Variants in ST6GALNAC5 observed in about 807,000 individuals in gnomAD.
ST6GALNAC5 encodes the protein alpha-N-acetylgalactosaminide alpha-2,6-sialyltransferase 5.
A neutral mutation model predicts 33.6 loss-of-function variants in ST6GALNAC5; 27 were observed. That is an observed-to-expected ratio of 0.80 (90% CI 0.59 to 1.11). The LOEUF (loss-of-function observed/expected upper bound fraction) is 1.11. Ranked by LOEUF, ST6GALNAC5 falls within the 50% of genes least tolerant of loss-of-function variation. ST6GALNAC5 has a pLI of 0.00. For missense variants in ST6GALNAC5, 428 were observed against 454.0 expected (o/e 0.94, Z 0.52); for synonymous variants, 194 against 171.2 (o/e 1.13, Z -1.04).
At chr1:76,976,309 G>T (rs1001691322) in intron 2 of ST6GALNAC5, among the ~76,000 whole-genome samples, 6 of 151,980 alleles carry the variant, frequency 3.9e-5, no homozygotes, top group Non-Finnish European at 7.4e-5. Context: ...ATTATGAAAA[G>T]AATTTAAAAA....
intron 2 of ST6GALNAC5, among the ~76,000 whole-genome samples, chr1:76,872,484 CAGTT>C (rs1653533440): frequency 6.6e-6 from 1 of 152,148 alleles, no homozygotes; most frequent in African/African-American, 2.4e-5. Flanking sequence ...TTTAGGCACT[CAGTT>C]ATTCAGACAA....
intron 2 of ST6GALNAC5, among the ~76,000 whole-genome samples, chr1:76,991,603 T>A (rs1202222474): frequency 6.6e-6 from 1 of 152,198 alleles, no homozygotes; most frequent in African/African-American, 2.4e-5. Flanking sequence ...CTAATTCTAC[T>A]CCTTCTCATA....
intron 2 of ST6GALNAC5, among the ~76,000 whole-genome samples, chr1:76,977,938 C>A (rs1033370812): frequency 1.3e-5 from 2 of 152,108 alleles, no homozygotes; most frequent in Non-Finnish European, 2.9e-5. Context: ...TACATTATTA[C>A]CAACAAGTCA....
intron 2 of ST6GALNAC5, among the ~76,000 whole-genome samples, chr1:76,967,835 A>G (rs963139489): frequency 1.3e-5 from 2 of 152,044 alleles, no homozygotes; most frequent in Non-Finnish European, 2.9e-5. Context: ...TCATTTCATT[A>G]TTTACCCAGT....
chr1:76,890,919 G>C (rs1199854856), intron 2 of ST6GALNAC5, among the ~76,000 whole-genome samples: 1 of 152,108 alleles, frequency 6.6e-6, no homozygotes, highest in Non-Finnish European at 1.5e-5. Context: ...ATTATATTGA[G>C]AGGTTGGCAG....
chr1:77,000,661 T>C (rs1650114064), intron 2 of ST6GALNAC5, among the ~76,000 whole-genome samples: 1 of 150,876 alleles, frequency 6.6e-6, no homozygotes, highest in African/African-American at 2.4e-5. Context: ...CTTGAATTGA[T>C]TTTTGTATAA....
At chr1:77,040,250 G>A (rs1651789989) in intron 2 of ST6GALNAC5, among the ~76,000 whole-genome samples, 1 of 152,200 alleles carries the variant, frequency 6.6e-6, no homozygotes, top group Admixed American at 6.5e-5. Flanking sequence ...TGCTGGAATT[G>A]TAACATTATG....
intron 2 of ST6GALNAC5, among the ~76,000 whole-genome samples, chr1:77,034,511 C>T (rs1366189597): frequency 6.6e-6 from 1 of 152,172 alleles, no homozygotes; most frequent in Non-Finnish European, 1.5e-5. Context: ...AGAAAACCCA[C>T]AACAGCAAGG....
At position 77,063,174 on chromosome 1, in the gene ST6GALNAC5, A is replaced by G. The variant is rs1396738767; in HGVS notation, c.979A>G (p.Ile327Val). The G allele has an allele frequency of 5.0e-6, 8 of 1,613,762 alleles. No homozygotes were observed. Among genetic ancestry groups the G allele is most frequent in the Non-Finnish European group, 6.8e-6 (8 of 1,179,782 alleles). ...AGACTGGAAACCAGAATCACTTGCT[A>G]TAAATCATCCTGAGAATAAACCTGT... ...QPDWKPESLAINHPENKPVF is the reference protein window; with the variant it reads ...QPDWKPESLAVNHPENKPVF The change falls in exon 5 of 5, where the codon ATA (isoleucine) becomes GTA (valine). Residue 327 changes from isoleucine (I) to valine (V), a missense_variant. Physicochemically the swap from Ile to Val is conservative, Grantham distance 29. Coordinates refer to ENST00000477717, the MANE Select transcript of ST6GALNAC5 (RefSeq NM_030965.3).
chr1:76,940,457 G>A (rs1647306369), intron 2 of ST6GALNAC5, among the ~76,000 whole-genome samples: 1 of 152,028 alleles, frequency 6.6e-6, no homozygotes, highest in Admixed American at 6.6e-5. Flanking sequence ...ATGCACACAT[G>A]CAGACCCACA....
chr1:76,996,303 G>A (rs1477136899), intron 2 of ST6GALNAC5, among the ~76,000 whole-genome samples: 1 of 152,228 alleles, frequency 6.6e-6, no homozygotes, highest in Non-Finnish European at 1.5e-5. Flanking sequence ...GTGTAAGGCA[G>A]TGATCACATC....
chr1:76,874,464 A>G (rs923543434), intron 2 of ST6GALNAC5, among the ~76,000 whole-genome samples: 1 of 152,296 alleles, frequency 6.6e-6, no homozygotes, highest in African/African-American at 2.4e-5. Flanking sequence ...TAAAGTATTA[A>G]CTTACACGAT....
At chr1:76,925,823 G>A (rs1208131655) in intron 2 of ST6GALNAC5, among the ~76,000 whole-genome samples, 1 of 152,050 alleles carries the variant, frequency 6.6e-6, no homozygotes, top group Non-Finnish European at 1.5e-5. Flanking sequence ...CATTAGAGAG[G>A]CAATATTTTA....
chr1:76,944,355 G>C (rs114784664), intron 2 of ST6GALNAC5, among the ~76,000 whole-genome samples: 1 of 152,088 alleles, frequency 6.6e-6, no homozygotes, highest in South Asian at 2.1e-4. Flanking sequence ...GCATGAAAAA[G>C]AGAAAGTTCT....
rs115215730 is a variant in ST6GALNAC5, at chr1:76,938,589, G to A, written c.261+69847G>A. Among the ~76,000 whole-genome samples, 1,074 of 152,162 alleles carry A rather than the reference G, an allele frequency of 7.1e-3. 13 individuals are homozygous for A. The highest frequency in any genetic ancestry group is 0.024 in the African/African-American group (1,010 of 41,544). On this transcript the variant is annotated intron_variant, in intron 2 of 4. Transcript: ENST00000477717. ...CTTCTGACTGGAAGTGTGATTTCTA[G>A]CAATATATTTATAGAATCTCCTCTG... is the stretch of plus-strand genomic sequence containing the variant.
At chr1:76,915,266 A>G (rs1360544904) in intron 2 of ST6GALNAC5, among the ~76,000 whole-genome samples, 2,020 of 151,740 alleles carry the variant, frequency 0.013, 44 homozygotes, top group African/African-American at 0.046. Flanking sequence ...TAGTTCAACC[A>G]TCGTGGAAGT....
intron 2 of ST6GALNAC5, among the ~76,000 whole-genome samples, chr1:76,930,776 C>CCATGTATT (rs1490919283): frequency 1.3e-5 from 2 of 152,064 alleles, no homozygotes; most frequent in African/African-American, 2.4e-5. Flanking sequence ...CCAGACACCT[C>CCATGTATT]CATGTATTCA....
In ST6GALNAC5 at chr1:77,004,750, G is replaced by A. The variant is rs1400264821; in HGVS notation, c.262-39454G>A. Among the ~76,000 whole-genome samples the A allele has an allele frequency of 1.9e-3, 241 of 124,436 alleles. 8 individuals are homozygous for A. The highest frequency in any genetic ancestry group is 5.7e-3 in the African/African-American group (226 of 39,684). 81.6% of individuals were successfully genotyped at this position (124,436 alleles called of 152,430 possible). ...TGCAGGTCTGTTGGAATACCCTGCCGTGTGAGGTGTCAGTGTGCCCCTGCT... is the reference window on the plus strand; with the variant it reads ...TGCAGGTCTGTTGGAATACCCTGCCATGTGAGGTGTCAGTGTGCCCCTGCT... On this transcript the variant is annotated intron_variant, in intron 2 of 4. Coordinates refer to ENST00000477717, the MANE Select transcript of ST6GALNAC5 (RefSeq NM_030965.3).
At chr1:76,890,772 T>G (rs1485643594) in intron 2 of ST6GALNAC5, among the ~76,000 whole-genome samples, 1 of 152,076 alleles carries the variant, frequency 6.6e-6, no homozygotes, top group Non-Finnish European at 1.5e-5. Flanking sequence ...ATTTTAGAAT[T>G]TTGTAAACTA....
Sources: gnomAD v4.1 joint callset for allele counts (sites outside exome capture counted in the v4.1 genomes callset) on GRCh38, gnomAD v4.1.1 for gene constraint, MANE v1.5 for transcripts, NCBI Gene and HGNC (gene_info 2026-07-23, HGNC 2026-07-21) for gene names.